IQSEC1: variants seen among roughly 807,000 people sequenced by gnomAD.
IQSEC1 encodes IQ motif and Sec7 domain ArfGEF 1.
IQSEC1 carries 31 observed loss-of-function variants against 91.0 expected under a neutral mutation model. That is an observed-to-expected ratio of 0.34 (90% CI 0.26 to 0.46). The LOEUF (loss-of-function observed/expected upper bound fraction) is 0.46, where lower values mean the gene tolerates loss of function less well. IQSEC1 is among the 20% of genes least tolerant of loss of function. The pLI is 1.00. For synonymous variants in IQSEC1, 699 were observed against 662.6 expected (o/e 1.05, Z -0.84); for missense variants, 1,388 against 1,575.6 (o/e 0.88, Z 2.02).
At chr3:12,944,080 C>A (rs1048614767) in intron 1 of IQSEC1, among the ~76,000 whole-genome samples, 6 of 152,162 alleles carry the variant, frequency 3.9e-5, no homozygotes, top group Non-Finnish European at 8.8e-5. Context: ...GGCAGGCTGC[C>A]CCTCCCTTCA....
intron 12 of IQSEC1, among the ~76,000 whole-genome samples, chr3:12,906,983 G>T (rs1695052092): frequency 6.6e-6 from 1 of 152,182 alleles, no homozygotes; most frequent in African/African-American, 2.4e-5. Context: ...GTCCCCCAGG[G>T]GATACCTGGC....
Position 13,228,645 on chromosome 3 carries a change from A to C in IQSEC1, c.272+54066T>G, listed in dbSNP as rs115955048. On this transcript the variant is annotated intron_variant, in intron 1 of 15. Transcript: ENST00000648114. ...TTACCAAAACCTTTGCAGGGCCTGC[A>C]AGGAGTGGCAGGATCTGGCCCTGCT... Among the ~76,000 whole-genome samples, 1,056 of 152,340 alleles carry C rather than the reference A, an allele frequency of 6.9e-3. 13 individuals carry two copies. The highest frequency in any genetic ancestry group is 0.024 in the African/African-American group (979 of 41,578).
chr3:12,911,755 G>A lies in IQSEC1; in HGVS notation c.2317-27C>T, dbSNP rs1030721005. The A allele has an allele frequency of 3.3e-6, 5 of 1,506,926 alleles. No individual in the cohort carries two copies. In the African/African-American group the frequency reaches 5.5e-5, roughly 17 times the overall value. The allele number at this position is 1,506,926 out of a possible 1,614,324, so 93.3% of individuals were successfully genotyped here. ...TAGAGGCAGCCAGAGACAGAGCTGA[G>A]CTACAGTGTCTCGGGGGGCACTGAC... On this transcript the variant is annotated intron_variant, in intron 9 of 13. Transcript: ENST00000613206.
At chr3:13,034,534 G>C (rs1703965133) in intron 1 of IQSEC1, among the ~76,000 whole-genome samples, 1 of 152,176 alleles carries the variant, frequency 6.6e-6, no homozygotes, top group South Asian at 2.1e-4. Flanking sequence ...GTGAAAGACT[G>C]AGCCAGTGTG....
chr3:13,273,599 G>A (rs1695624593), intron 1 of IQSEC1, among the ~76,000 whole-genome samples: 1 of 152,076 alleles, frequency 6.6e-6, no homozygotes, highest in African/African-American at 2.4e-5. Flanking sequence ...CCCAGCCCAC[G>A]TGCTCCTGCC....
chr3:12,936,553 G>A lies in IQSEC1; in HGVS notation c.463C>T (p.Arg155Trp), dbSNP rs1698221364. Reference protein sequence around the residue: ...SSMSENRMSRRIVLSNMRMQF... With the variant: ...SSMSENRMSRWIVLSNMRMQF... ...ATCCTCATGTTGGACAGCACAATCCGGCGTGACATGCGGTTCTCTGACATG... is the reference window on the plus strand; with the variant it reads ...ATCCTCATGTTGGACAGCACAATCCAGCGTGACATGCGGTTCTCTGACATG... Residue 155 changes from arginine to tryptophan, a missense_variant, in exon 3 of 14, where the codon CGG becomes TGG. By Grantham distance (101) the Arg-to-Trp change is moderately radical. Around this residue, in one of 2 missense-constraint regions of IQSEC1, gnomAD observed 1,059 missense variants for 1,317.8 expected, o/e 0.80. Coordinates refer to ENST00000613206, the MANE Select transcript of IQSEC1 (RefSeq NM_001134382.3). 3 of 1,613,386 alleles carry A rather than the reference G, an allele frequency of 1.9e-6. No individual in the cohort carries two copies. The highest frequency in any genetic ancestry group is 1.7e-6 in the Non-Finnish European group (2 of 1,180,012).
At chr3:13,112,922 C>T (rs888684768) in intron 2 of IQSEC1, among the ~76,000 whole-genome samples, 3 of 152,248 alleles carry the variant, frequency 2.0e-5, no homozygotes, top group East Asian at 3.8e-4. Flanking sequence ...AATGCTGTCA[C>T]ATGAATCAGT....
At chr3:13,063,014 G>A (rs1231137591) in intron 1 of IQSEC1, among the ~76,000 whole-genome samples, 1 of 152,232 alleles carries the variant, frequency 6.6e-6, no homozygotes. Flanking sequence ...AAAGGGGGAC[G>A]GGCATCTCTG....
chr3:13,067,529 G>A (rs898245305), intron 1 of IQSEC1, among the ~76,000 whole-genome samples: 1 of 152,246 alleles, frequency 6.6e-6, no homozygotes, highest in African/African-American at 2.4e-5. Flanking sequence ...CATGCAGTGG[G>A]GAAGGGGTGG....
intron 2 of IQSEC1, among the ~76,000 whole-genome samples, 181 bp downstream of exon 2, chr3:12,941,390 G>A (rs1302126659): frequency 2.0e-5 from 3 of 152,272 alleles, no homozygotes; most frequent in Non-Finnish European, 4.4e-5. Context: ...GCTGGGGCAA[G>A]AGGCTCCTGA....
At chr3:13,106,262 C>A (rs1706150149) in intron 2 of IQSEC1, among the ~76,000 whole-genome samples, 1 of 152,182 alleles carries the variant, frequency 6.6e-6, no homozygotes, top group Admixed American at 6.5e-5. Context: ...TCCCCAGCAC[C>A]TTCCTGGGCT....
chr3:13,241,118 G>A (rs1176663603), intron 1 of IQSEC1, among the ~76,000 whole-genome samples: 2 of 152,110 alleles, frequency 1.3e-5, no homozygotes, highest in Non-Finnish European at 2.9e-5. Flanking sequence ...TCATGTCCAC[G>A]GGCCCACTGC....
At chr3:13,278,909 G>C (rs571702552) in intron 1 of IQSEC1, among the ~76,000 whole-genome samples, 1 of 152,314 alleles carries the variant, frequency 6.6e-6, no homozygotes, top group Admixed American at 6.5e-5. Flanking sequence ...CCCGTAGCCA[G>C]ATGGGAGAGC....
At chr3:13,204,518 C>G (rs753714309) in intron 1 of IQSEC1, among the ~76,000 whole-genome samples, 1 of 152,266 alleles carries the variant, frequency 6.6e-6, no homozygotes, top group Non-Finnish European at 1.5e-5. Flanking sequence ...GGGCCGCCCA[C>G]CGCTAGCGAG....
chr3:13,250,720 G>T (rs1045582463), intron 1 of IQSEC1, among the ~76,000 whole-genome samples: 4 of 151,804 alleles, frequency 2.6e-5, no homozygotes, highest in African/African-American at 9.7e-5. Context: ...GCCCGCCTCG[G>T]CCTCCCAAAG....
rs575711284 is a variant in IQSEC1, at chr3:13,060,025, G to A, written c.23+12967C>T. On this transcript the variant is annotated intron_variant, in intron 1 of 13. Coordinates refer to ENST00000613206, the MANE Select transcript of IQSEC1 (RefSeq NM_001134382.3). ...GGCGCCGGCTTGGGGATGGCATCCA[G>A]GCAGCGGGAACGACTGTGCTGAGTG... 2.0e-5 allele frequency among the ~76,000 whole-genome samples: 3 copies of A among 152,362 alleles called. No individual in the cohort carries two copies. In the South Asian group the frequency reaches 6.2e-4, roughly 32 times the overall value.
At chr3:12,920,682 C>T (rs1475377402) in intron 5 of IQSEC1, 86 bp from the exon 6 acceptor site, 52 of 1,410,048 alleles carry the variant, frequency 3.7e-5, no homozygotes, top group Non-Finnish European at 4.9e-5. Flanking sequence ...TCATGTGCCG[C>T]TAAGCCTCAG....
intron 10 of IQSEC1, among the ~76,000 whole-genome samples, chr3:12,910,724 C>G (rs1268354246): frequency 1.3e-5 from 2 of 152,236 alleles, no homozygotes; most frequent in Non-Finnish European, 2.9e-5. Context: ...CAGATCCAGG[C>G]GCAAGGCCTG....
intron 2 of IQSEC1, among the ~76,000 whole-genome samples, chr3:13,162,184 G>A (rs1707191398): frequency 6.6e-6 from 1 of 152,240 alleles, no homozygotes; most frequent in Non-Finnish European, 1.5e-5. Flanking sequence ...GACCCCGTAA[G>A]GGACCCGCTG....
Sources: gnomAD v4.1 joint callset for allele counts (sites outside exome capture counted in the v4.1 genomes callset) on GRCh38, gnomAD v4.1.1 for gene constraint, gnomAD v4.1.1 regional missense constraint, MANE v1.5 for transcripts, NCBI Gene and HGNC (gene_info 2026-07-23, HGNC 2026-07-21) for gene names.